Variants in FOXK1 observed in about 807,000 individuals in gnomAD.
FOXK1 encodes the protein forkhead box protein K1.
A neutral mutation model predicts 51.9 loss-of-function variants in FOXK1; 19 were observed. That is an observed-to-expected ratio of 0.37 (90% confidence interval 0.26 to 0.54). The LOEUF is 0.54. FOXK1 is among the 20% of genes least tolerant of loss of function. FOXK1 has a pLI of 0.87. For missense variants in FOXK1, 870 were observed against 1,032.7 expected, an observed-to-expected ratio of 0.84 and a Z score of 2.16; for synonymous variants, 537 against 482.6, an observed-to-expected ratio of 1.11 and a Z score of -1.48.
Position 4,708,298 on chromosome 7 carries a change from T to C in FOXK1, c.560+25430T>C, listed in dbSNP as rs143414896. 6.6e-5 allele frequency among the ~76,000 whole-genome samples: 10 copies of C among 152,260 alleles called. No individual in the cohort carries two copies. The East Asian group carries it at 1.2e-3, about 18-fold the overall frequency. On this transcript the variant is annotated intron_variant, in intron 1 of 8. Transcript: ENST00000328914. ...TCCCCGATGCTTTGTAAACATGACCTAGTTGCCGCAGTGACCCCAGCCGCC... is the reference window on the plus strand; with the variant it reads ...TCCCCGATGCTTTGTAAACATGACCCAGTTGCCGCAGTGACCCCAGCCGCC...
chr7:4,699,288 T>G (rs1201430076), intron 1 of FOXK1, among the ~76,000 whole-genome samples: 1 of 150,798 alleles, frequency 6.6e-6, no homozygotes, highest in Non-Finnish European at 1.5e-5. Context: ...AGGGTTAGTT[T>G]TTTTTTTTTT....
chr7:4,752,818 A>C (rs1780797110), intron 2 of FOXK1, among the ~76,000 whole-genome samples: 1 of 152,160 alleles, frequency 6.6e-6, no homozygotes. Context: ...TCCGGCCATG[A>C]GGCCATCCTG....
chr7:4,758,950 A>C lies in FOXK1; in HGVS notation c.1245-101A>C. 2 of 1,270,762 alleles carry C rather than the reference A, an allele frequency of 1.6e-6. No homozygotes were observed. The highest frequency in any genetic ancestry group is 2.2e-6 in the Non-Finnish European group (2 of 928,722). 78.7% of individuals were successfully genotyped at this position (1,270,762 alleles called of 1,614,324 possible). A position where few individuals can be genotyped will look rare whatever the true frequency, so the allele number is the denominator to read the frequency against. ...CGGAGGACAGAGACGAGCTCCAGGG[A>C]GCGTGGGCGGGTGACGGCGCTGAGA... On this transcript the variant is annotated intron_variant, in intron 5 of 8. Coordinates refer to ENST00000328914, the MANE Select transcript of FOXK1 (RefSeq NM_001037165.2). This position sits in a 1 kb window ranked among gnomAD's most constrained non-coding sequence, Gnocchi z 4.4.
chr7:4,729,914 C>CGGAA lies in FOXK1; in HGVS notation c.561-10921_561-10918dup, dbSNP rs1440969958. Among the ~76,000 whole-genome samples the CGGAA allele has an allele frequency of 3.3e-5, 5 of 152,234 alleles. No homozygotes were observed. Among genetic ancestry groups the CGGAA allele is most frequent in the African/African-American group, 1.2e-4 (5 of 41,540 alleles). On this transcript the variant is annotated intron_variant, in intron 1 of 8. Coordinates refer to ENST00000328914, the MANE Select transcript of FOXK1 (RefSeq NM_001037165.2). The surrounding 1 kb of genome is among the most constrained non-coding windows in gnomAD (Gnocchi z 6.2). ...CTGAGGCAGGAGAATCGCTTGAACC[C>CGGAA]GGAAGGTGGAGTTTGCAGTGAGCTG... is the stretch of plus-strand genomic sequence containing the variant.
Position 4,682,835 on chromosome 7 carries a change from G to T in FOXK1, c.527G>T (p.Arg176Ile). ...GTCTTCGTGGACGGGGCCTTCCAGA[G>T]ACGCGGCGCGCCCGCCCTGCAGCTG... Reference protein sequence around the residue: ...NGVFVDGAFQRRGAPALQLPK... With the variant: ...NGVFVDGAFQIRGAPALQLPK... The change falls in exon 1 of 9, where the codon AGA (arginine) becomes ATA (isoleucine). Residue 176 changes from arginine to isoleucine, a missense_variant. Coordinates refer to ENST00000328914, the MANE Select transcript of FOXK1 (RefSeq NM_001037165.2). The surrounding 1 kb of genome is among the most constrained non-coding windows in gnomAD (Gnocchi z 7.6). 1.9e-6 allele frequency: 3 copies of T among 1,567,054 alleles called. No homozygotes were observed. The highest frequency in any genetic ancestry group is 2.6e-6 in the Non-Finnish European group (3 of 1,162,310).
At chr7:4,728,873 GC>G (rs1780414904) in intron 1 of FOXK1, among the ~76,000 whole-genome samples, 1 of 152,214 alleles carries the variant, frequency 6.6e-6, no homozygotes, top group Non-Finnish European at 1.5e-5. Flanking sequence ...CAAAGTCTAT[GC>G]AGATAAACCA....
chr7:4,704,714 A>G (rs1264247403), intron 1 of FOXK1, among the ~76,000 whole-genome samples: 2 of 151,796 alleles, frequency 1.3e-5, no homozygotes, highest in Non-Finnish European at 2.9e-5. Context: ...ATCTGTAGTT[A>G]TACTTTTTAA....
rs1456873040 is a variant in FOXK1, at chr7:4,730,705, C to T, written c.561-10133C>T. Among the ~76,000 whole-genome samples the T allele has an allele frequency of 6.6e-6, 1 of 152,218 alleles. No individual in the cohort carries two copies. Among genetic ancestry groups the T allele is most frequent in the African/African-American group, 2.4e-5 (1 of 41,450 alleles). ...TCTTAGCTGCTGGCGAAGACGTGGT[C>T]TCTGCAATAGAGAGGCGCCTATGGC... On this transcript the variant is annotated intron_variant, in intron 1 of 8. Transcript: ENST00000328914. This position sits in a 1 kb window ranked among gnomAD's most constrained non-coding sequence, Gnocchi z 4.7.
intron 1 of FOXK1, among the ~76,000 whole-genome samples, chr7:4,684,500 CATTTTGGTAAA>C (rs1779794686): frequency 6.6e-6 from 1 of 152,184 alleles, no homozygotes; most frequent in South Asian, 2.1e-4. Context: ...GAAAGGTGTG[CATTTTGGTAAA>C]ATCAGAACTC....
intron 1 of FOXK1, among the ~76,000 whole-genome samples, chr7:4,732,521 TAGGGTCA>T (rs1780491634): frequency 6.6e-6 from 1 of 152,132 alleles, no homozygotes; most frequent in South Asian, 2.1e-4. Context: ...CTCGAACTCC[TAGGGTCA>T]AGCGATCGTC....
Position 4,762,645 on chromosome 7 carries a change from A to T in FOXK1, c.*181A>T, listed in dbSNP as rs534449751. 117 of 605,248 alleles carry T rather than the reference A, an allele frequency of 1.9e-4. 1 individual carries two copies. Among genetic ancestry groups the T allele is most frequent in the African/African-American group, 1.9e-3 (100 of 53,848 alleles). 37.5% of individuals were successfully genotyped at this position (605,248 alleles called of 1,614,324 possible). A position where few individuals can be genotyped will look rare whatever the true frequency, so the allele number is the denominator to read the frequency against. On this transcript the variant is annotated 3_prime_UTR_variant, in exon 9 of 9. Transcript: ENST00000328914. This position sits in a 1 kb window ranked among gnomAD's most constrained non-coding sequence, Gnocchi z 5.7. ...ATCGCCTGCCTTCCCGTGGTTTAAGACAAAAACACATAAACAAGTTCAGAC... is the reference window on the plus strand; with the variant it reads ...ATCGCCTGCCTTCCCGTGGTTTAAGTCAAAAACACATAAACAAGTTCAGAC...
chr7:4,691,418 T>G (rs544443206), intron 1 of FOXK1, among the ~76,000 whole-genome samples: 3 of 152,274 alleles, frequency 2.0e-5, no homozygotes, highest in Non-Finnish European at 2.9e-5. Flanking sequence ...CACTGCAGCC[T>G]CCGCCTCCTG....
In FOXK1 at chr7:4,754,633, G is replaced by T. The variant is rs556729223; in HGVS notation, c.903+18G>T. On this transcript the variant is annotated intron_variant, in intron 3 of 8. Transcript: ENST00000328914. ...GCCCCAAGGTCTGAGCCCACCTGGC[G>T]CCGTGGTGCACCTGGTGACCCAGGA... 6.3e-7 allele frequency: 1 copy of T among 1,597,570 alleles called. No individual in the cohort carries two copies. Among genetic ancestry groups the T allele is most frequent in the Non-Finnish European group, 8.5e-7 (1 of 1,178,106 alleles).
intron 1 of FOXK1, among the ~76,000 whole-genome samples, chr7:4,739,212 T>C (rs188226350): frequency 8.0e-4 from 122 of 152,336 alleles, no homozygotes; most frequent in African/African-American, 2.9e-3. Flanking sequence ...CCTTAGCGTC[T>C]CTCAAGTGTT....
chr7:4,705,959 T>C (rs570419037), intron 1 of FOXK1, among the ~76,000 whole-genome samples: 1,543 of 125,114 alleles, frequency 0.012, 38 homozygotes, highest in African/African-American at 0.025. Flanking sequence ...TATATATATA[T>C]GTATATATAT....
At chr7:4,710,455 A>ATCCCAGCTCC (rs1780160096) in intron 1 of FOXK1, among the ~76,000 whole-genome samples, 1 of 152,172 alleles carries the variant, frequency 6.6e-6, no homozygotes, top group Non-Finnish European at 1.5e-5. Context: ...GGTGCCTGTA[A>ATCCCAGCTCC]TCCCAGCTCC....
rs1467616497 is a variant in FOXK1 at position 4,703,110 on chromosome 7, G to A, written c.560+20242G>A. 1.3e-5 allele frequency among the ~76,000 whole-genome samples: 2 copies of A among 152,134 alleles called. No individual in the cohort carries two copies. The highest frequency in any genetic ancestry group is 2.9e-5 in the Non-Finnish European group (2 of 68,018). On this transcript the variant is annotated intron_variant, in intron 1 of 8. Transcript: ENST00000328914. This position sits in a 1 kb window ranked among gnomAD's most constrained non-coding sequence, Gnocchi z 5.6. ...TGAGAGTGCCTCTGTGTCGGGGGCT[G>A]GGCTGGGCTGGGCTGGACTGGGAAG...
chr7:4,712,875 GTTCTGTTTATT>G (rs1296912456), intron 1 of FOXK1, among the ~76,000 whole-genome samples: 1 of 152,206 alleles, frequency 6.6e-6, no homozygotes, highest in African/African-American at 2.4e-5. Context: ...ATTGCTCTCT[GTTCTGTTTATT>G]TCCAGTTGAC....
chr7:4,768,942 AGT>A lies in FOXK1; in HGVS notation c.*6482_*6483del, dbSNP rs1465176757. ...GGGCCAGCCATTCCCGGGAGGCCTG[AGT>A]GTGACCTGGAAGCTCTGTGGGTCAC... On this transcript the variant is annotated 3_prime_UTR_variant, in exon 9 of 9. Coordinates refer to ENST00000328914, the MANE Select transcript of FOXK1 (RefSeq NM_001037165.2). The A allele has an allele frequency of 1.3e-5, 2 of 152,316 alleles. No individual in the cohort carries two copies. Among genetic ancestry groups the A allele is most frequent in the Middle Eastern group, 3.4e-3 (1 of 294 alleles). The allele number at this position is 152,316 out of a possible 1,614,324, so 9.4% of individuals were successfully genotyped here.
Sources: allele counts gnomAD v4.1 joint callset (sites outside exome capture counted in the v4.1 genomes callset), GRCh38; gene constraint gnomAD v4.1.1; non-coding constraint Gnocchi (gnomAD v3.1); transcripts MANE v1.5; gene names NCBI Gene and HGNC (gene_info 2026-07-23, HGNC 2026-07-21).